ZFP64: variants seen among roughly 807,000 people sequenced by gnomAD.
The protein encoded by ZFP64 is ZFP64 zinc finger protein, also known as zinc finger protein 64.
Under a neutral mutation model 51.6 loss-of-function variants are expected in ZFP64, and 14 were observed. The ratio of observed to expected loss-of-function variants is 0.27; its 90% CI spans 0.18 to 0.42. ZFP64 has a LOEUF of 0.42. Ranked by LOEUF, ZFP64 falls within the 10% of genes least tolerant of loss-of-function variation. ZFP64 has a pLI of 1.00. For missense variants in ZFP64, 754 were observed against 906.8 expected, an observed-to-expected ratio of 0.83 and a Z score of 2.16; for synonymous variants, 375 against 361.4, an observed-to-expected ratio of 1.04 and a Z score of -0.43.
At chr20:52,105,138 C>A in intron 5 of ZFP64, 1 of 1,429,910 alleles carries the variant, frequency 7.0e-7, no homozygotes, top group Non-Finnish European at 9.0e-7. Context: ...TCACCCGGCT[C>A]CCCCGCCACC....
intron 5 of ZFP64, chr20:52,105,296 T>A: frequency 7.9e-7 from 1 of 1,264,822 alleles, no homozygotes; most frequent in Non-Finnish European, 9.9e-7. Flanking sequence ...CACAACGAAT[T>A]CCCGGAGTTC....
At chr20:52,136,121 GAAAA>G (rs1280168731) in intron 5 of ZFP64, among the ~76,000 whole-genome samples, 1 of 103,804 alleles carries the variant, frequency 9.6e-6, no homozygotes, top group African/African-American at 3.5e-5. Context: ...AAAAAAAAAA[GAAAA>G]AACCAAAAAA....
chr20:52,119,201 G>A (rs1185821717), intron 5 of ZFP64, among the ~76,000 whole-genome samples: 3 of 151,836 alleles, frequency 2.0e-5, no homozygotes, highest in African/African-American at 7.3e-5. Flanking sequence ...TGGGTTTCAG[G>A]TAGGGGGACA....
At chr20:52,142,092 C>A (rs147462391) in intron 5 of ZFP64, among the ~76,000 whole-genome samples, 1 of 151,966 alleles carries the variant, frequency 6.6e-6, no homozygotes, top group Non-Finnish European at 1.5e-5. Context: ...ATGGGCCTGG[C>A]GCGGTGGCTC....
At chr20:52,088,332 AT>A (rs1229581394) in intron 8 of ZFP64, 2 of 1,591,162 alleles carry the variant, frequency 1.3e-6, no homozygotes, top group African/African-American at 2.7e-5. Context: ...TGTTAAGTAA[AT>A]GAAGGTTAAG....
intron 5 of ZFP64, among the ~76,000 whole-genome samples, chr20:52,124,478 A>G (rs1005806248): frequency 3.3e-5 from 5 of 152,236 alleles, no homozygotes; most frequent in African/African-American, 1.2e-4. Flanking sequence ...ATAGACAGAC[A>G]TATGATAAAG....
intron 5 of ZFP64, among the ~76,000 whole-genome samples, chr20:52,159,867 T>C (rs1336346560): frequency 6.6e-6 from 1 of 152,042 alleles, no homozygotes; most frequent in Non-Finnish European, 1.5e-5. Flanking sequence ...ACATGCTTCT[T>C]GGGAGGCTGA....
At chr20:52,189,225 G>A (rs532786372) in intron 1 of ZFP64, among the ~76,000 whole-genome samples, 100 of 151,772 alleles carry the variant, frequency 6.6e-4, no homozygotes, top group African/African-American at 2.4e-3. Flanking sequence ...GTGAAACCCC[G>A]TCTCTACTAA....
In ZFP64 at chr20:52,143,007, AC is replaced by A. The variant is rs1283047074; in HGVS notation, c.763+17115del. The stretch of plus-strand genomic sequence containing the variant: ...AGGAAGACCCTTTATCAGCAAAATG[AC>A]TGCAACTTGCTGAAGGCTCATATGA... On this transcript the variant is annotated intron_variant, in intron 5 of 8. Transcript: ENST00000361387. 1.4e-5 allele frequency among the ~76,000 whole-genome samples: 2 copies of A among 142,408 alleles called. 1 individual carries two copies. Among genetic ancestry groups the A allele is most frequent in the Non-Finnish European group, 3.1e-5 (2 of 64,164 alleles). 93.4% of individuals were successfully genotyped at this position (142,408 alleles called of 152,430 possible).
chr20:52,142,377 GACACACAC>G (rs142317072), intron 5 of ZFP64, among the ~76,000 whole-genome samples: 2,411 of 118,398 alleles, frequency 0.02, 56 homozygotes, highest in African/African-American at 0.064. Flanking sequence ...CACACACACA[GACACACAC>G]ACACACACAC....
At chr20:52,105,185 C>T (rs1224736718) in intron 5 of ZFP64, 1 of 1,434,818 alleles carries the variant, frequency 7.0e-7, no homozygotes, top group East Asian at 2.8e-5. Context: ...GCGCGCAGGC[C>T]GCGGCTCCTC....
chr20:52,191,751 CA>C lies in ZFP64; in HGVS notation c.-116del. ...CCACACCCCCCACCCTGCCTTCTCC[CA>C]ACTCTGCGAGGCGGGGAGGACGGAT... is the stretch of plus-strand genomic sequence containing the variant. On this transcript the variant is annotated 5_prime_UTR_variant, in exon 1 of 6. Transcript: ENST00000216923. This position sits in a 1 kb window ranked among gnomAD's most constrained non-coding sequence, Gnocchi z 4.3. The C allele has an allele frequency of 1.6e-6, 2 of 1,288,256 alleles. No homozygotes were observed. Among genetic ancestry groups the C allele is most frequent in the South Asian group, 3.5e-5 (2 of 57,296 alleles). The allele number at this position is 1,288,256 out of a possible 1,614,324, so 79.8% of individuals were successfully genotyped here.
chr20:52,084,486 C>A, exon 9 of ZFP64: 1 of 1,449,162 alleles, frequency 6.9e-7, no homozygotes, highest in Non-Finnish European at 9.3e-7. Flanking sequence ...CTCTCAGTGG[C>A]CTCACCTCTG....
At chr20:52,179,107 C>T (rs1568702617) in intron 2 of ZFP64, among the ~76,000 whole-genome samples, 1 of 152,100 alleles carries the variant, frequency 6.6e-6, no homozygotes, top group Non-Finnish European at 1.5e-5. Flanking sequence ...TGGGTCTTTC[C>T]TGCACTGTTC....
At chr20:52,182,748 A>C (rs1983699157) in intron 2 of ZFP64, among the ~76,000 whole-genome samples, 1 of 152,028 alleles carries the variant, frequency 6.6e-6, no homozygotes, top group Non-Finnish European at 1.5e-5. Context: ...CAAGCAAAAA[A>C]ACTAGGAGGA....
At chr20:52,164,926 A>G (rs781069302) in intron 3 of ZFP64, 169 bp from the exon 4 acceptor site, 1 of 704,436 alleles carries the variant, frequency 1.4e-6, no homozygotes, top group South Asian at 1.5e-5. Flanking sequence ...ACACACCGTC[A>G]TTTTGTGGTT....
intron 2 of ZFP64, among the ~76,000 whole-genome samples, chr20:52,184,238 C>G (rs1265186765): frequency 6.6e-6 from 1 of 152,176 alleles, no homozygotes; most frequent in Non-Finnish European, 1.5e-5. Flanking sequence ...CTCAGTCAGG[C>G]TCAGAGATGT....
In ZFP64 at chr20:52,165,910, C is replaced by T. The variant is rs1600787145; in HGVS notation, c.402G>A (p.Lys134=). The change falls in exon 3 of 6, where the codon AAG becomes AAA. Residue 134 remains lysine (K), a synonymous_variant. Coordinates refer to ENST00000216923, the MANE Select transcript of ZFP64 (RefSeq NM_018197.3). ...ISLPAKSRTK[K]PTTPPAQKRL... The stretch of plus-strand genomic sequence containing the variant: ...TTTTCTGAGCAGGTGGTGTTGTGGG[C>T]TTTTTGGTGCGTGACTTGGCAGGGA... 5 of 1,614,118 alleles carry T rather than the reference C, an allele frequency of 3.1e-6. No individual in the cohort carries two copies. The highest frequency in any genetic ancestry group is 4.2e-6 in the Non-Finnish European group (5 of 1,180,000).
At chr20:52,121,338 G>A (rs1236506673) in intron 5 of ZFP64, among the ~76,000 whole-genome samples, 5 of 152,198 alleles carry the variant, frequency 3.3e-5, no homozygotes, top group South Asian at 2.1e-4. Context: ...AGGATGCAAA[G>A]GAAAAGTTCT....
Sources: gnomAD v4.1 joint callset for allele counts (sites outside exome capture counted in the v4.1 genomes callset) on GRCh38, gnomAD v4.1.1 for gene constraint, Gnocchi (gnomAD v3.1) non-coding constraint, MANE v1.5 for transcripts, NCBI Gene and HGNC (gene_info 2026-07-23, HGNC 2026-07-21) for gene names.